TUSC3: variants seen among roughly 807,000 people sequenced by gnomAD.
TUSC3 encodes dolichyl-diphosphooligosaccharide--protein glycosyltransferase subunit TUSC3.
In TUSC3, 45 loss-of-function variants were observed where a neutral mutation model predicts 44.8. The observed-to-expected ratio is 1.00, with a 90% CI of 0.79 to 1.29. TUSC3 has a LOEUF of 1.29. Ranked by LOEUF, TUSC3 falls within the 50% of genes most tolerant of loss-of-function variation. The pLI, the probability that TUSC3 is intolerant of heterozygous loss-of-function variation, is 0.00. For missense variants in TUSC3, 519 were observed against 437.9 expected, an observed-to-expected ratio of 1.19 and a Z score of -1.65; for synonymous variants, 212 against 152.9, an observed-to-expected ratio of 1.39 and a Z score of -2.85.
intron 1 of TUSC3, among the ~76,000 whole-genome samples, chr8:15,583,994 G>C (rs907761721): frequency 6.6e-6 from 1 of 152,200 alleles, no homozygotes; most frequent in Admixed American, 6.5e-5. Flanking sequence ...TTTGTCCTCT[G>C]TATTGCAGGG....
intron 1 of TUSC3, among the ~76,000 whole-genome samples, chr8:15,570,724 A>G (rs1460350559): frequency 2.6e-5 from 4 of 151,952 alleles, no homozygotes; most frequent in African/African-American, 9.7e-5. Context: ...GCCTGGAATC[A>G]TGCAACTTGT....
At chr8:15,722,979 T>G (rs1270209818) in intron 6 of TUSC3, among the ~76,000 whole-genome samples, 1 of 152,156 alleles carries the variant, frequency 6.6e-6, no homozygotes, top group Non-Finnish European at 1.5e-5. Context: ...TTATAGCTCA[T>G]TAGTAGTACA....
chr8:15,758,136 G>C, intron 10 of TUSC3: 19 of 1,140,414 alleles, frequency 1.7e-5, no homozygotes, highest in Non-Finnish European at 2.0e-5. Flanking sequence ...CTTAACTTCT[G>C]TTTGTTATCA....
At chr8:15,840,097 A>T in the TUSC3 span, among the ~76,000 whole-genome samples, 1 of 152,172 alleles carries the variant, frequency 6.6e-6, no homozygotes. Flanking sequence ...TGAAGCTGGA[A>T]ACCATCATTC....
At chr8:15,533,230 T>C (rs1291088132) in intron 2 of TUSC3, among the ~76,000 whole-genome samples, 2 of 152,234 alleles carry the variant, frequency 1.3e-5, no homozygotes, top group Non-Finnish European at 2.9e-5. Context: ...TGTAAGTCCA[T>C]TAAACCTCTT....
chr8:15,466,203 G>T (rs1266298686), intron 1 of TUSC3, among the ~76,000 whole-genome samples: 1 of 152,242 alleles, frequency 6.6e-6, no homozygotes, highest in East Asian at 1.9e-4. Context: ...CATCTTTTCT[G>T]CCAGGGCCTA....
At chr8:15,840,304 C>A in the TUSC3 span, among the ~76,000 whole-genome samples, 1,206 of 152,094 alleles carry the variant, frequency 7.9e-3, 26 homozygotes, top group African/African-American at 0.028. Context: ...TGCAGCACAC[C>A]AACATGGCAC....
At position 15,742,226 on chromosome 8, in the gene TUSC3, T is replaced by TGCTGGGAGGGTTGATGTTGTGCAGG. The variant is rs1554485607; in HGVS notation, c.863-1311_863-1310insCTGGGAGGGTTGATGTTGTGCAGGG. Among the ~76,000 whole-genome samples the TGCTGGGAGGGTTGATGTTGTGCAGG allele has an allele frequency of 2.2e-3, 11 of 5,092 alleles. No individual in the cohort carries two copies. The East Asian group carries it at 0.039, about 18-fold the overall frequency. The allele number at this position is 5,092 out of a possible 152,430, so 3.3% of individuals were successfully genotyped here. The stretch of plus-strand genomic sequence containing the variant: ...TTAGTGCTAGTCTATGGTATGTGTA[T>TGCTGGGAGGGTTGATGTTGTGCAGG]GGTGGGAGGGGCTTTTCTCTTGTAT... On this transcript the variant is annotated intron_variant, in intron 7 of 10. Transcript: ENST00000503731.
At chr8:15,634,067 G>A (rs1458491343) in intron 2 of TUSC3, among the ~76,000 whole-genome samples, 1 of 152,308 alleles carries the variant, frequency 6.6e-6, no homozygotes, top group East Asian at 1.9e-4. Context: ...ACACTTGAAG[G>A]TCTCTTACAA....
intron 1 of TUSC3, among the ~76,000 whole-genome samples, chr8:15,450,125 T>C (rs1248842343): frequency 1.3e-5 from 2 of 152,248 alleles, no homozygotes; most frequent in Non-Finnish European, 2.9e-5. Context: ...TTTATCTTTA[T>C]AAACATGTAT....
At chr8:15,812,312 C>T in the TUSC3 span, among the ~76,000 whole-genome samples, 2 of 152,120 alleles carry the variant, frequency 1.3e-5, no homozygotes, top group Non-Finnish European at 2.9e-5. Context: ...AGGTAACATT[C>T]AGGAGGTTGT....
chr8:15,848,624 G>C, the TUSC3 span, among the ~76,000 whole-genome samples: 1 of 152,122 alleles, frequency 6.6e-6, no homozygotes, highest in Non-Finnish European at 1.5e-5. Context: ...CTCTGTGTGG[G>C]TGATCTGTCT....
chr8:15,516,319 G>A (rs1801215324), intron 2 of TUSC3, among the ~76,000 whole-genome samples: 1 of 152,122 alleles, frequency 6.6e-6, no homozygotes, highest in African/African-American at 2.4e-5. Flanking sequence ...TTATTTAAGT[G>A]TTCTCATTTA....
chr8:15,704,185 G>C (rs1406849578), intron 6 of TUSC3, among the ~76,000 whole-genome samples: 1 of 151,342 alleles, frequency 6.6e-6, no homozygotes, highest in Non-Finnish European at 1.5e-5. Context: ...GGAAATGAGA[G>C]AGTGATTTAT....
At chr8:15,803,081 T>C in the TUSC3 span, among the ~76,000 whole-genome samples, 1 of 152,200 alleles carries the variant, frequency 6.6e-6, no homozygotes. Context: ...CACTCCTCTC[T>C]TCTAAAAGTT....
At chr8:15,456,396 A>C (rs190401142) in intron 1 of TUSC3, among the ~76,000 whole-genome samples, 1 of 152,216 alleles carries the variant, frequency 6.6e-6, no homozygotes, top group African/African-American at 2.4e-5. Flanking sequence ...CAAATTAAAT[A>C]GAAAAAATAA....
intron 6 of TUSC3, among the ~76,000 whole-genome samples, chr8:15,678,738 A>G (rs1221682598): frequency 6.6e-6 from 1 of 152,204 alleles, no homozygotes. Context: ...TACTGAGGCC[A>G]TCACACAGAT....
chr8:15,789,171 C>T, the TUSC3 span, among the ~76,000 whole-genome samples: 1 of 152,274 alleles, frequency 6.6e-6, no homozygotes, highest in East Asian at 1.9e-4. Context: ...CTGTATGTCA[C>T]CCATAACCTG....
At chr8:15,534,588 G>C (rs1370051715) in intron 2 of TUSC3, among the ~76,000 whole-genome samples, 1 of 151,402 alleles carries the variant, frequency 6.6e-6, no homozygotes, top group Non-Finnish European at 1.5e-5. Context: ...GCTTGCCAGT[G>C]GCCGAGATCG....
Sources: gnomAD v4.1 joint callset for allele counts (sites outside exome capture counted in the v4.1 genomes callset) on GRCh38, gnomAD v4.1.1 for gene constraint, MANE v1.5 for transcripts, NCBI Gene and HGNC (gene_info 2026-07-23, HGNC 2026-07-21) for gene names.